KCNMB3: variants seen among roughly 807,000 people sequenced by gnomAD.
KCNMB3 encodes the protein calcium-activated potassium channel subunit beta-3.
Under a neutral mutation model 11.9 loss-of-function variants are expected in KCNMB3, and 18 were observed. The ratio of observed to expected loss-of-function variants is 1.51; its 90% CI spans 1.04 to 2.23. The LOEUF (loss-of-function observed/expected upper bound fraction) is 2.23, where lower values mean the gene tolerates loss of function less well. Among genes scored for constraint, KCNMB3 ranks in the 30% most tolerant of loss-of-function variants. The pLI is 0.00. For missense variants in KCNMB3, 247 were observed against 329.4 expected (o/e 0.75, Z 1.94); for synonymous variants, 78 against 119.2 (o/e 0.65, Z 2.25).
chr3:179,240,269 C>A, downstream of KCNMB3: 1 of 497,364 alleles, frequency 2.0e-6, no homozygotes, highest in South Asian at 3.1e-5. Flanking sequence ...AACTATTATA[C>A]CTTAAAAGCC....
chr3:179,256,028 C>T (rs2108451606), upstream of KCNMB3, among the ~76,000 whole-genome samples: 1 of 152,304 alleles, frequency 6.6e-6, no homozygotes, highest in Non-Finnish European at 1.5e-5. Flanking sequence ...GATAGACCCT[C>T]ACTGAAGGAA....
At chr3:179,265,272 C>T (rs115965187) in intron 1 of KCNMB3, among the ~76,000 whole-genome samples, 2,348 of 152,294 alleles carry the variant, frequency 0.015, 73 homozygotes, top group African/African-American at 0.053. Context: ...GTATCTCACT[C>T]TCCTCATGCT....
chr3:179,260,097 G>A, intron 1 of KCNMB3: 1 of 1,607,124 alleles, frequency 6.2e-7, no homozygotes, highest in South Asian at 1.1e-5. Context: ...ATGATAAACT[G>A]TGTCATCACT....
chr3:179,262,902 C>T lies in KCNMB3; in HGVS notation c.62+3747G>A, dbSNP rs528827752. Among the ~76,000 whole-genome samples the T allele has an allele frequency of 2.6e-5, 4 of 152,378 alleles. No individual in the cohort carries two copies. In the East Asian group the frequency reaches 7.7e-4, roughly 29 times the overall value. ...GTGTTTATAAACCTTGAGCTAGATACACAGTACCAATTGGTGTATTTACAA... is the reference window on the plus strand; with the variant it reads ...GTGTTTATAAACCTTGAGCTAGATATACAGTACCAATTGGTGTATTTACAA... On this transcript the variant is annotated intron_variant, in intron 1 of 3. Transcript: ENST00000349697.
chr3:179,250,964 AG>A lies in KCNMB3; in HGVS notation c.26del (p.Thr9MetfsTer31), dbSNP rs1255476456. On this transcript the variant is annotated frameshift_variant, in exon 1 of 3. Transcript: ENST00000392685. LOFTEE classifies it high-confidence loss of function. MFPLLYEL[T>X]AVSPSPFPQR... ...GGGGAAAGGGAGAAGGAGATACTGC[AG>A]TGAGCTCATAAAGAAGGGGGAACAT... 6.2e-7 allele frequency: 1 copy of A among 1,614,176 alleles called. No individual in the cohort carries two copies. The highest frequency in any genetic ancestry group is 1.1e-5 in the South Asian group (1 of 91,080).
upstream of KCNMB3, among the ~76,000 whole-genome samples, chr3:179,254,762 A>C (rs968999096): frequency 9.9e-5 from 15 of 152,202 alleles, no homozygotes; most frequent in African/African-American, 3.6e-4. Context: ...AGATTGCGCC[A>C]CTGCACTCCA....
upstream of KCNMB3, chr3:179,251,356 A>T (rs1725838008): frequency 5.6e-6 from 8 of 1,439,894 alleles, no homozygotes; most frequent in Non-Finnish European, 6.3e-6. Flanking sequence ...TGGAATTAAC[A>T]GCGTCCTGAA....
In KCNMB3 at chr3:179,261,171, C is replaced by T; in HGVS notation, c.62+5478G>A. 3.7e-6 allele frequency: 5 copies of T among 1,335,450 alleles called. No homozygotes were observed. In the South Asian group the frequency reaches 7.0e-5, roughly 19 times the overall value. The allele number at this position is 1,335,450 out of a possible 1,614,324, so 82.7% of individuals were successfully genotyped here. On this transcript the variant is annotated intron_variant, in intron 1 of 3. Coordinates refer to the KCNMB3 transcript ENST00000349697. ...TTCATGGGGATCTCACGAGCCTCCG[C>T]GCGGGCCTCCCGTTTTGCGGCGAGC...
rs1373247723 is a variant in KCNMB3 at position 179,250,997 on chromosome 3, T to C, written c.-7A>G. Reference sequence around the variant, plus strand: ...CATAAAGAAGGGGGAACATTTCCAATCCATGGGGACTGGAGGGATAATCTC... The same window carrying C: ...CATAAAGAAGGGGGAACATTTCCAACCCATGGGGACTGGAGGGATAATCTC... On this transcript the variant is annotated 5_prime_UTR_variant, in exon 1 of 3. Transcript: ENST00000392685. 6.2e-7 allele frequency: 1 copy of C among 1,614,128 alleles called. No homozygotes were observed. Among genetic ancestry groups the C allele is most frequent in the East Asian group, 2.2e-5 (1 of 44,884 alleles).
At chr3:179,262,927 A>C (rs1039544004) in intron 1 of KCNMB3, among the ~76,000 whole-genome samples, 1 of 152,246 alleles carries the variant, frequency 6.6e-6, no homozygotes, top group Non-Finnish European at 1.5e-5. Flanking sequence ...TGTATTTACA[A>C]TCTCTTAGCT....
chr3:179,263,624 T>C (rs1360242975), intron 1 of KCNMB3, among the ~76,000 whole-genome samples: 1 of 152,098 alleles, frequency 6.6e-6, no homozygotes, highest in Non-Finnish European at 1.5e-5. Context: ...TTTTATATGC[T>C]CATTGTATGA....
chr3:179,252,933 T>G (rs1725895978), upstream of KCNMB3, among the ~76,000 whole-genome samples: 1 of 152,066 alleles, frequency 6.6e-6, no homozygotes, highest in African/African-American at 2.4e-5. Context: ...GGTTTCACTG[T>G]GTTAGCCAGA....
chr3:179,241,181 A>G (rs1250131429), downstream of KCNMB3: 4 of 152,102 alleles, frequency 2.6e-5, no homozygotes, highest in Non-Finnish European at 4.4e-5. Context: ...GAGCACTGCT[A>G]CTAGATGCTA....
intron 1 of KCNMB3, chr3:179,259,974 T>C (rs1726150735): frequency 1.2e-6 from 2 of 1,613,088 alleles, no homozygotes; most frequent in Non-Finnish European, 1.7e-6. Flanking sequence ...TTCTGTACTC[T>C]GCACTGGAAC....
chr3:179,261,407 G>T (rs1187782062), intron 1 of KCNMB3: 1 of 1,062,324 alleles, frequency 9.4e-7, no homozygotes, highest in African/African-American at 1.7e-5. Context: ...GTGAACGCTC[G>T]CGCTTCCGGG....
At chr3:179,245,826 T>C (rs781352219) in intron 1 of KCNMB3, among the ~76,000 whole-genome samples, 13 of 152,184 alleles carry the variant, frequency 8.5e-5, no homozygotes, top group African/African-American at 1.2e-4. Flanking sequence ...GGAAAATTTC[T>C]TGAGAATTTT....
At chr3:179,246,736 ATC>A (rs1466041583) in intron 1 of KCNMB3, among the ~76,000 whole-genome samples, 2 of 152,208 alleles carry the variant, frequency 1.3e-5, no homozygotes, top group Non-Finnish European at 2.9e-5. Context: ...TTACTTTTTT[ATC>A]TGTTAGAACT....
chr3:179,264,822 C>T (rs971408382), intron 1 of KCNMB3, among the ~76,000 whole-genome samples: 3 of 152,194 alleles, frequency 2.0e-5, no homozygotes, highest in African/African-American at 7.2e-5. Flanking sequence ...ATGAAGTACA[C>T]TATATTAATA....
intron 1 of KCNMB3, chr3:179,259,898 CTTGA>C: frequency 1.2e-6 from 2 of 1,613,634 alleles, no homozygotes; most frequent in Non-Finnish European, 1.7e-6. Flanking sequence ...GAACTTCTGT[CTTGA>C]TTGGTTTCTC....
Sources: gnomAD v4.1 joint callset for allele counts (sites outside exome capture counted in the v4.1 genomes callset) on GRCh38, gnomAD v4.1.1 for gene constraint, MANE v1.5 for transcripts, NCBI Gene and HGNC (gene_info 2026-07-23, HGNC 2026-07-21) for gene names.